The following AP3D1 variants were observed in gnomAD, a reference collection of about 807,000 sequenced individuals.
AP3D1 encodes AP-3 complex subunit delta-1.
Under a neutral mutation model 147.6 loss-of-function variants are expected in AP3D1, and 51 were observed. That is an observed-to-expected ratio of 0.35 (90% CI 0.28 to 0.44). The LOEUF is 0.44. AP3D1 is among the 20% of genes least tolerant of loss of function. The pLI is 1.00. For missense variants in AP3D1, 1,421 were observed against 1,624.2 expected, an observed-to-expected ratio of 0.87 and a Z score of 2.15; for synonymous variants, 760 against 663.0, an observed-to-expected ratio of 1.15 and a Z score of -2.25.
At chr19:2,148,830 AG>A (rs2019430763) in intron 1 of AP3D1, among the ~76,000 whole-genome samples, 1 of 152,208 alleles carries the variant, frequency 6.6e-6, no homozygotes, top group Admixed American at 6.6e-5. Flanking sequence ...GCCACACTCA[AG>A]TTTTAGGTGA....
chr19:2,132,264 T>TTCAAATA (rs2018970988), intron 5 of AP3D1, among the ~76,000 whole-genome samples: 1 of 152,112 alleles, frequency 6.6e-6, no homozygotes, highest in African/African-American at 2.4e-5. Context: ...GCAAGATGAT[T>TTCAAATA]TCAAATATCA....
intron 4 of AP3D1, 62 bp from the exon 5 acceptor site, chr19:2,132,640 G>A (rs1041284130): frequency 6.9e-7 from 1 of 1,450,756 alleles, no homozygotes. Context: ...CGACGCCTGG[G>A]TCACCAGGAG....
chr19:2,146,439 G>C (rs779639155), intron 1 of AP3D1, among the ~76,000 whole-genome samples: 7 of 151,838 alleles, frequency 4.6e-5, no homozygotes, highest in South Asian at 2.1e-4. Context: ...CCCCGTCTCT[G>C]CTAAAAATAC....
At chr19:2,102,589 A>G (rs2017985453) in intron 31 of AP3D1, among the ~76,000 whole-genome samples, 2 of 151,976 alleles carry the variant, frequency 1.3e-5, no homozygotes, top group East Asian at 1.9e-4. Context: ...TTAGCCAGGC[A>G]GGGTGGCGGG....
At chr19:2,125,508 G>T (rs1196609897) in intron 9 of AP3D1, among the ~76,000 whole-genome samples, 2 of 152,078 alleles carry the variant, frequency 1.3e-5, no homozygotes, top group Non-Finnish European at 2.9e-5. Context: ...GGTAGAGATG[G>T]GGTTTCACCA....
At chr19:2,140,154 T>C (rs1329391510) in intron 1 of AP3D1, among the ~76,000 whole-genome samples, 1 of 151,938 alleles carries the variant, frequency 6.6e-6, no homozygotes, top group Non-Finnish European at 1.5e-5. Flanking sequence ...TCAGGACTGT[T>C]GATTTAAAAG....
chr19:2,116,787 G>A (rs764884419), intron 16 of AP3D1, 41 bp from the exon 17 acceptor site: 11 of 1,559,092 alleles, frequency 7.1e-6, no homozygotes, highest in Admixed American at 1.9e-5. Context: ...GTGTGTGACC[G>A]AGCACGCGCC....
chr19:2,110,362 G>A (rs770128738), intron 27 of AP3D1, 138 bp from the exon 28 acceptor site: 3 of 744,038 alleles, frequency 4.0e-6, no homozygotes, highest in Admixed American at 2.3e-5. Context: ...AGCACCAGGG[G>A]ACAGGAGCAG....
rs2017963124 is a variant in AP3D1 at position 2,101,878 on chromosome 19, G to A, written c.*295C>T. On this transcript the variant is annotated 3_prime_UTR_variant, in exon 32 of 32. Coordinates refer to ENST00000643116, the MANE Select transcript of AP3D1 (RefSeq NM_001261826.3). ...AGGAGCCCCTGAAGCCACATTCAAG[G>A]ACTCGGCCCCCAGCGCGGGGCAGGG... The A allele has an allele frequency of 2.6e-6, 1 of 388,386 alleles. No homozygotes were observed. The highest frequency in any genetic ancestry group is 4.7e-6 in the Non-Finnish European group (1 of 211,924). 24.1% of individuals were successfully genotyped at this position (388,386 alleles called of 1,614,324 possible). A position where few individuals can be genotyped will look rare whatever the true frequency, so the allele number is the denominator to read the frequency against.
At chr19:2,139,140 T>C (rs553484628) in intron 1 of AP3D1, among the ~76,000 whole-genome samples, 2 of 145,936 alleles carry the variant, frequency 1.4e-5, no homozygotes, top group South Asian at 4.3e-4. Flanking sequence ...TTCTATGAAA[T>C]GTCCAGATCA....
intron 1 of AP3D1, 107 bp downstream of exon 1, chr19:2,151,132 A>G: frequency 8.9e-7 from 1 of 1,128,860 alleles, no homozygotes; most frequent in South Asian, 1.5e-5. Context: ...CCTCCAACTA[A>G]GACAGAGCCC....
intron 1 of AP3D1, among the ~76,000 whole-genome samples, chr19:2,146,564 G>A (rs961540029): frequency 3.1e-4 from 45 of 145,816 alleles, no homozygotes; most frequent in African/African-American, 7.5e-4. Context: ...AGATTGTGCC[G>A]CTGCATTCCA....
At chr19:2,141,966 G>T (rs956931956) in intron 1 of AP3D1, among the ~76,000 whole-genome samples, 2 of 149,546 alleles carry the variant, frequency 1.3e-5, no homozygotes, top group African/African-American at 4.9e-5. Context: ...ATATATTTAT[G>T]TATATACTTG....
upstream of AP3D1, among the ~76,000 whole-genome samples, chr19:2,152,227 C>T (rs1599503225): frequency 6.7e-6 from 1 of 148,964 alleles, no homozygotes; most frequent in Non-Finnish European, 1.5e-5. Context: ...CGAGATACAT[C>T]ATTGAGATTG....
chr19:2,117,081 A>G, intron 16 of AP3D1, 141 bp downstream of exon 16: 1 of 1,104,328 alleles, frequency 9.1e-7, no homozygotes, highest in Non-Finnish European at 1.3e-6. Context: ...AGTCCGTGTG[A>G]GGGATATACC....
At chr19:2,160,385 C>T (rs965555000) in intron 1 of AP3D1, among the ~76,000 whole-genome samples, 4 of 152,052 alleles carry the variant, frequency 2.6e-5, no homozygotes, top group African/African-American at 7.2e-5. Flanking sequence ...AAAAATCAGC[C>T]GGGAGTGGTG....
rs1371701005 is a variant in AP3D1 at position 2,117,286 on chromosome 19, G to A, written c.1795C>T (p.Leu599Phe). Residue 599 changes from leucine (L) to phenylalanine (F), a missense_variant, in exon 16 of 32, where the codon CTC becomes TTC. Physicochemically the swap from Leu to Phe is conservative, Grantham distance 22. Coordinates refer to ENST00000643116, the MANE Select transcript of AP3D1 (RefSeq NM_001261826.3). Reference sequence around the variant, plus strand: ...ACTGGGTTCAGCTCCCCAGCAAAGAGAGCGCTGACCTCCTCTGCCACAGGC... The same window carrying A: ...ACTGGGTTCAGCTCCCCAGCAAAGAAAGCGCTGACCTCCTCTGCCACAGGC... ...DVPVAEEVSA[L>F]FAGELNPVAP... 2 of 1,612,938 alleles carry A rather than the reference G, an allele frequency of 1.2e-6. No homozygotes were observed. The highest frequency in any genetic ancestry group is 2.2e-5 in the East Asian group (1 of 44,858).
At chr19:2,119,665 C>T (rs1165309587) in intron 14 of AP3D1, among the ~76,000 whole-genome samples, 1 of 139,318 alleles carries the variant, frequency 7.2e-6, no homozygotes, top group African/African-American at 2.7e-5. Flanking sequence ...CACTGCACTC[C>T]AGCCTGGAAA....
rs374362633 is a variant in AP3D1, at chr19:2,115,528, A to G, written c.2149+10T>C. 3 of 1,612,674 alleles carry G rather than the reference A, an allele frequency of 1.9e-6. No homozygotes were observed. Among genetic ancestry groups the G allele is most frequent in the African/African-American group, 2.7e-5 (2 of 74,900 alleles). On this transcript the variant is annotated intron_variant, in intron 19 of 31. Coordinates refer to ENST00000643116, the MANE Select transcript of AP3D1 (RefSeq NM_001261826.3). ...GACAAATGCGGCGCCGACACACCGGAGACACTTGCCTGGAACCTTCAAGGG... is the reference window on the plus strand; with the variant it reads ...GACAAATGCGGCGCCGACACACCGGGGACACTTGCCTGGAACCTTCAAGGG...
Sources: allele counts gnomAD v4.1 joint callset (sites outside exome capture counted in the v4.1 genomes callset), GRCh38; gene constraint gnomAD v4.1.1; transcripts MANE v1.5; gene names NCBI Gene and HGNC (gene_info 2026-07-23, HGNC 2026-07-21).